The following TEKT3 variants were observed in gnomAD, a reference collection of about 807,000 sequenced individuals.
The protein encoded by TEKT3 is tektin 3, also known as tektin-3.
A neutral mutation model predicts 49.8 loss-of-function variants in TEKT3; 49 were observed. The ratio of observed to expected loss-of-function variants is 0.98; its 90% CI spans 0.78 to 1.25. The LOEUF is 1.25. Ranked by LOEUF, TEKT3 falls within the 50% of genes most tolerant of loss-of-function variation. The probability of loss-of-function intolerance (pLI) is 0.00; values close to 1 mark genes in which losing one functional copy is unlikely to be tolerated. For missense variants in TEKT3, 595 were observed against 629.5 expected (o/e 0.95, Z 0.59); for synonymous variants, 225 against 237.2 (o/e 0.95, Z 0.47).
Position 15,303,904 on chromosome 17 carries a change from T to C in TEKT3, c.*32A>G. On this transcript the variant is annotated 3_prime_UTR_variant, in exon 9 of 9. Coordinates refer to ENST00000395930, the MANE Select transcript of TEKT3 (RefSeq NM_031898.3). ...ACAGTGCTCTGGCTCAGCCTTAACT[T>C]AGGGGTATCAAAACCACACCCGGTG... 1 of 1,597,950 alleles carries C rather than the reference T, an allele frequency of 6.3e-7. No homozygotes were observed. The highest frequency in any genetic ancestry group is 1.1e-5 in the South Asian group (1 of 90,632).
chr17:15,327,949 A>T, intron 4 of TEKT3, 43 bp downstream of exon 4: 1 of 1,554,858 alleles, frequency 6.4e-7, no homozygotes, highest in South Asian at 1.1e-5. Flanking sequence ...ACATACATTT[A>T]CAACTAAGCT....
chr17:15,330,834 A>G (rs906850240), intron 3 of TEKT3, among the ~76,000 whole-genome samples, 173 bp downstream of exon 3: 1 of 148,372 alleles, frequency 6.7e-6, no homozygotes, highest in Non-Finnish European at 1.5e-5. Flanking sequence ...TAATGCATTT[A>G]AAAAAAAAAT....
chr17:15,330,200 G>C (rs1270223711), intron 3 of TEKT3, among the ~76,000 whole-genome samples: 17 of 152,154 alleles, frequency 1.1e-4, no homozygotes, highest in Non-Finnish European at 1.6e-4. Flanking sequence ...GGCGTTTCAT[G>C]ATACAGACTA....
Position 15,319,167 on chromosome 17 carries a change from A to C in TEKT3, c.664-20T>G. On this transcript the variant is annotated intron_variant, in intron 4 of 8. Transcript: ENST00000395930. ...AACTTCCTACTCAATTGGAAAAAAA[A>C]CATATTAATGTTTTCATTATTGAAT... 1 of 1,579,990 alleles carries C rather than the reference A, an allele frequency of 6.3e-7. No homozygotes were observed. The highest frequency in any genetic ancestry group is 8.6e-7 in the Non-Finnish European group (1 of 1,159,308).
chr17:15,318,013 G>A (rs1400191059), intron 5 of TEKT3, among the ~76,000 whole-genome samples: 2 of 144,692 alleles, frequency 1.4e-5, no homozygotes, highest in African/African-American at 5.1e-5. Flanking sequence ...TTTTTGAGAC[G>A]GAGTCTCGCT....
chr17:15,321,203 G>A (rs1202420032), intron 4 of TEKT3, among the ~76,000 whole-genome samples: 1 of 151,950 alleles, frequency 6.6e-6, no homozygotes, highest in Non-Finnish European at 1.5e-5. Flanking sequence ...TAGAGATGGG[G>A]TTTCACCATG....
intron 8 of TEKT3, among the ~76,000 whole-genome samples, chr17:15,306,276 A>G (rs1214955578): frequency 2.0e-5 from 3 of 152,184 alleles, no homozygotes; most frequent in Non-Finnish European, 4.4e-5. Context: ...AAATGAAAAC[A>G]GCAATTTTTC....
chr17:15,338,671 A>ATTT (rs60841981), intron 2 of TEKT3: 12 of 94,154 alleles, frequency 1.3e-4, no homozygotes, highest in Non-Finnish European at 1.5e-4. Flanking sequence ...CACCTGGCTA[A>ATTT]TTTTTTTTTT....
At chr17:15,321,410 G>T (rs1911251103) in intron 4 of TEKT3, among the ~76,000 whole-genome samples, 1 of 152,180 alleles carries the variant, frequency 6.6e-6, no homozygotes, top group South Asian at 2.1e-4. Flanking sequence ...CAAAGCCAAA[G>T]GCCTCTGGCA....
chr17:15,340,531 G>A (rs1912180233), intron 1 of TEKT3: 1 of 152,198 alleles, frequency 6.6e-6, no homozygotes, highest in Admixed American at 6.5e-5. Flanking sequence ...TGGGCGACAA[G>A]AGCGAGACTC....
At chr17:15,325,039 T>C (rs940469652) in intron 4 of TEKT3, among the ~76,000 whole-genome samples, 2 of 152,244 alleles carry the variant, frequency 1.3e-5, no homozygotes, top group South Asian at 4.1e-4. Context: ...TCCCATTGCA[T>C]TGCCTTGGCA....
chr17:15,317,988 T>C (rs1911080120), intron 5 of TEKT3, among the ~76,000 whole-genome samples: 1 of 63,180 alleles, frequency 1.6e-5, no homozygotes, highest in African/African-American at 1.1e-4. Flanking sequence ...TTTTTTTTTT[T>C]TTCTTTTTTT....
intron 2 of TEKT3, among the ~76,000 whole-genome samples, chr17:15,338,048 T>C (rs1912061551): frequency 6.6e-6 from 1 of 152,180 alleles, no homozygotes; most frequent in Non-Finnish European, 1.5e-5. Flanking sequence ...ATCATTTACC[T>C]AACTTTCAAC....
intron 2 of TEKT3, among the ~76,000 whole-genome samples, chr17:15,332,654 T>A (rs980215173): frequency 3.9e-5 from 6 of 152,124 alleles, no homozygotes; most frequent in Non-Finnish European, 2.9e-5. Context: ...CTCGAATGTA[T>A]AACAGAAATC....
At chr17:15,326,930 T>G (rs1206733006) in intron 4 of TEKT3, among the ~76,000 whole-genome samples, 4 of 152,204 alleles carry the variant, frequency 2.6e-5, no homozygotes, top group African/African-American at 9.7e-5. Flanking sequence ...GTAGTGCAGA[T>G]GCAACTGTAA....
chr17:15,310,423 T>A (rs893975271), intron 7 of TEKT3, among the ~76,000 whole-genome samples: 1 of 152,184 alleles, frequency 6.6e-6, no homozygotes, highest in African/African-American at 2.4e-5. Flanking sequence ...TGGGGGTGAT[T>A]AAGTTAAATG....
upstream of TEKT3, among the ~76,000 whole-genome samples, chr17:15,341,841 G>A (rs113768459): frequency 2.0e-5 from 3 of 152,196 alleles, no homozygotes; most frequent in Non-Finnish European, 4.4e-5. Flanking sequence ...GGTGAAAGGG[G>A]TGAAGAGTAG....
intron 3 of TEKT3, 29 bp downstream of exon 3, chr17:15,330,978 A>C: frequency 6.5e-7 from 1 of 1,544,930 alleles, no homozygotes; most frequent in Non-Finnish European, 8.7e-7. Context: ...AATCATAAAA[A>C]TTCAGTGTGT....
chr17:15,308,937 G>C lies in TEKT3; in HGVS notation c.1102-119C>G, dbSNP rs576668877. On this transcript the variant is annotated intron_variant, in intron 7 of 8. Transcript: ENST00000395930. Reference sequence around the variant, plus strand: ...GTGCCTTGACCTCGCTGATGAGGAAGTTGCTTCACCAAGACCGTCTATCCT... The same window carrying C: ...GTGCCTTGACCTCGCTGATGAGGAACTTGCTTCACCAAGACCGTCTATCCT... 3 of 1,259,146 alleles carry C rather than the reference G, an allele frequency of 2.4e-6. No individual in the cohort carries two copies. The South Asian group carries it at 4.1e-5, about 17-fold the overall frequency. The allele number at this position is 1,259,146 out of a possible 1,614,324, so 78.0% of individuals were successfully genotyped here. A position where few individuals can be genotyped will look rare whatever the true frequency, so the allele number is the denominator to read the frequency against.
Sources: allele counts gnomAD v4.1 joint callset (sites outside exome capture counted in the v4.1 genomes callset), GRCh38; gene constraint gnomAD v4.1.1; transcripts MANE v1.5; gene names NCBI Gene and HGNC (gene_info 2026-07-23, HGNC 2026-07-21).